Variants in ERLIN1 observed in about 807,000 individuals in gnomAD.
The protein encoded by ERLIN1 is erlin-1.
ERLIN1 carries 24 observed loss-of-function variants against 46.9 expected under a neutral mutation model. The ratio of observed to expected loss-of-function variants is 0.51; its 90% CI spans 0.37 to 0.72. The LOEUF is 0.72. ERLIN1 is among the 30% of genes least tolerant of loss of function. The pLI is 0.00. For synonymous variants in ERLIN1, 158 were observed against 143.2 expected (o/e 1.10, Z -0.74); for missense variants, 293 against 417.9 (o/e 0.70, Z 2.61).
At chr10:100,176,385 A>T (rs1844304103) in intron 4 of ERLIN1, among the ~76,000 whole-genome samples, 2 of 152,232 alleles carry the variant, frequency 1.3e-5, no homozygotes, top group South Asian at 4.1e-4. Flanking sequence ...AAGCAAGGGC[A>T]TGACAGTCAG....
At chr10:100,178,944 C>G (rs894481066) in intron 3 of ERLIN1, among the ~76,000 whole-genome samples, 1 of 152,082 alleles carries the variant, frequency 6.6e-6, no homozygotes, top group Non-Finnish European at 1.5e-5. Context: ...AAAGCAGATG[C>G]AGCAGTGCTA....
chr10:100,168,412 A>T (rs957956418), intron 6 of ERLIN1, among the ~76,000 whole-genome samples: 3 of 152,226 alleles, frequency 2.0e-5, no homozygotes, highest in South Asian at 4.1e-4. Context: ...GTGGAATGGA[A>T]TAAGCAGCTG....
intron 2 of ERLIN1, among the ~76,000 whole-genome samples, chr10:100,180,690 A>G (rs1296852457): frequency 6.6e-6 from 1 of 152,230 alleles, no homozygotes; most frequent in Admixed American, 6.5e-5. Context: ...GACCATGGTA[A>G]TACTAGACAG....
chr10:100,175,068 G>A (rs1367083382), intron 5 of ERLIN1, among the ~76,000 whole-genome samples: 2 of 152,162 alleles, frequency 1.3e-5, no homozygotes, highest in African/African-American at 4.8e-5. Context: ...ATTTCAGGAG[G>A]GAAAAGTGAG....
intron 2 of ERLIN1, among the ~76,000 whole-genome samples, chr10:100,180,081 T>C (rs1397196228): frequency 6.6e-6 from 1 of 152,242 alleles, no homozygotes; most frequent in East Asian, 1.9e-4. Flanking sequence ...ATCTCTCACA[T>C]GTCCTATTCA....
intron 2 of ERLIN1, among the ~76,000 whole-genome samples, chr10:100,181,806 G>A (rs1174200915): frequency 3.3e-5 from 5 of 152,080 alleles, no homozygotes; most frequent in Admixed American, 3.3e-4. Context: ...GAGCCGCCAC[G>A]CCCGGCCAAG....
chr10:100,180,575 GAA>G (rs1363391338), intron 2 of ERLIN1, among the ~76,000 whole-genome samples: 4 of 152,322 alleles, frequency 2.6e-5, no homozygotes, highest in African/African-American at 9.6e-5. Context: ...ATATCCTACT[GAA>G]ATACACACAG....
chr10:100,176,163 C>T, intron 4 of ERLIN1, 93 bp from the exon 5 acceptor site: 1 of 1,101,384 alleles, frequency 9.1e-7, no homozygotes, highest in Non-Finnish European at 1.2e-6. Flanking sequence ...TGATATATTA[C>T]ACATGAGGAA....
intron 6 of ERLIN1, 49 bp downstream of exon 6, chr10:100,174,159 C>A (rs375290119): frequency 1.4e-5 from 17 of 1,216,866 alleles, no homozygotes; most frequent in Non-Finnish European, 2.0e-5. Context: ...GAGGAACAAA[C>A]TCAAAGCTCT....
chr10:100,157,239 G>A (rs1463274733), intron 8 of ERLIN1, among the ~76,000 whole-genome samples: 2 of 152,158 alleles, frequency 1.3e-5, no homozygotes, highest in African/African-American at 4.8e-5. Context: ...GATGAAAATG[G>A]TATCAGAAGA....
intron 6 of ERLIN1, among the ~76,000 whole-genome samples, chr10:100,173,411 ACTGTGAAACAC>A (rs1345083087): frequency 6.6e-6 from 1 of 152,190 alleles, no homozygotes; most frequent in Non-Finnish European, 1.5e-5. Flanking sequence ...ACCCCGCCAC[ACTGTGAAACAC>A]AAGTGTCACA....
At chr10:100,167,072 T>G (rs1843684675) in intron 7 of ERLIN1, among the ~76,000 whole-genome samples, 1 of 152,220 alleles carries the variant, frequency 6.6e-6, no homozygotes, top group Non-Finnish European at 1.5e-5. Flanking sequence ...TCATATAAAA[T>G]TATAGCTCCT....
intron 2 of ERLIN1, among the ~76,000 whole-genome samples, chr10:100,179,894 T>A: frequency 6.6e-6 from 1 of 152,192 alleles, no homozygotes; most frequent in South Asian, 2.1e-4. Flanking sequence ...CTCACATAGA[T>A]ACTCTGGCTA....
At chr10:100,181,730 T>G (rs561165007) in intron 2 of ERLIN1, among the ~76,000 whole-genome samples, 17 of 152,278 alleles carry the variant, frequency 1.1e-4, no homozygotes, top group African/African-American at 3.1e-4. Flanking sequence ...GCCAGGCTGG[T>G]CTTGAACTCC....
At chr10:100,167,054 G>A (rs1843683297) in intron 7 of ERLIN1, among the ~76,000 whole-genome samples, 1 of 152,070 alleles carries the variant, frequency 6.6e-6, no homozygotes, top group Non-Finnish European at 1.5e-5. Context: ...TTTAATTCAA[G>A]GTACTATTCA....
At chr10:100,177,540 T>C (rs1844381071) in intron 4 of ERLIN1, among the ~76,000 whole-genome samples, 1 of 152,210 alleles carries the variant, frequency 6.6e-6, no homozygotes. Context: ...TCTTTTCAAA[T>C]TATTCTTGCC....
chr10:100,179,162 TG>T, intron 3 of ERLIN1, 38 bp downstream of exon 3: 1 of 1,509,130 alleles, frequency 6.6e-7, no homozygotes, highest in Non-Finnish European at 9.1e-7. Context: ...AAACTCTGTC[TG>T]AGCTAAAGGG....
chr10:100,168,009 T>C (rs1331779604), intron 6 of ERLIN1, among the ~76,000 whole-genome samples: 3 of 152,222 alleles, frequency 2.0e-5, no homozygotes, highest in Non-Finnish European at 4.4e-5. Context: ...ACAAAGTCTG[T>C]CTTTGTAGAG....
chr10:100,185,567 C>G lies in ERLIN1; in HGVS notation c.60G>C (p.Leu20=). The change falls in exon 1 of 11, where the codon CTG becomes CTC. Residue 20 remains leucine (L), a synonymous_variant. Coordinates refer to ENST00000421367, the MANE Select transcript of ERLIN1 (RefSeq NM_006459.4). ...CAATCTTGTGGATGGAGGCGTAGAG[C>G]AGGACAGCCACCAACCCCACCACTG... ...VAAVVGLVAV[L]LYASIHKIEE... The G allele has an allele frequency of 6.2e-7, 1 of 1,614,040 alleles. No homozygotes were observed. Among genetic ancestry groups the G allele is most frequent in the Non-Finnish European group, 8.5e-7 (1 of 1,179,890 alleles).
Sources: gnomAD v4.1 joint callset for allele counts (sites outside exome capture counted in the v4.1 genomes callset) on GRCh38, gnomAD v4.1.1 for gene constraint, MANE v1.5 for transcripts, NCBI Gene and HGNC (gene_info 2026-07-23, HGNC 2026-07-21) for gene names.